The following FSTL5 variants were observed in gnomAD, a reference collection of about 807,000 sequenced individuals.
The protein encoded by FSTL5 is follistatin like 5.
Under a neutral mutation model 89.1 loss-of-function variants are expected in FSTL5, and 62 were observed. The ratio of observed to expected loss-of-function variants is 0.70; its 90% CI spans 0.57 to 0.86. FSTL5 has a LOEUF of 0.86. Among genes scored for constraint, FSTL5 ranks in the 40% least tolerant of loss-of-function variants. The probability of loss-of-function intolerance (pLI) is 0.00; values close to 1 mark genes in which losing one functional copy is unlikely to be tolerated. For missense variants in FSTL5, 1,057 were observed against 1,001.6 expected (o/e 1.06, Z -0.75); for synonymous variants, 383 against 346.2 (o/e 1.11, Z -1.18).
chr4:162,157,484 T>C (rs1054608846), intron 1 of FSTL5, among the ~76,000 whole-genome samples: 1 of 151,990 alleles, frequency 6.6e-6, no homozygotes, highest in African/African-American at 2.4e-5. Flanking sequence ...GAAGAGATGA[T>C]AATTGTAGCT....
At chr4:161,849,918 G>T (rs1420825641) in intron 4 of FSTL5, among the ~76,000 whole-genome samples, 1 of 151,950 alleles carries the variant, frequency 6.6e-6, no homozygotes, top group African/African-American at 2.4e-5. Context: ...GGCAAAATCA[G>T]GTCTTCTAGG....
intron 7 of FSTL5, among the ~76,000 whole-genome samples, chr4:161,623,510 A>C (rs1308957427): frequency 2.0e-5 from 3 of 151,950 alleles, no homozygotes; most frequent in Non-Finnish European, 4.4e-5. Flanking sequence ...TTGGTTAAAT[A>C]ATTTTCCTGT....
At chr4:161,638,281 A>C (rs1735806244) in intron 7 of FSTL5, among the ~76,000 whole-genome samples, 1 of 151,602 alleles carries the variant, frequency 6.6e-6, no homozygotes. Flanking sequence ...TTGTTGGTGT[A>C]TAAGAATGCT....
chr4:161,594,840 A>G (rs566610809), intron 7 of FSTL5, among the ~76,000 whole-genome samples: 1 of 152,092 alleles, frequency 6.6e-6, no homozygotes, highest in East Asian at 1.9e-4. Context: ...TTTATTGAGC[A>G]TGTAAATATG....
At chr4:161,988,315 G>A (rs1736022384) in intron 3 of FSTL5, among the ~76,000 whole-genome samples, 1 of 151,950 alleles carries the variant, frequency 6.6e-6, no homozygotes, top group African/African-American at 2.4e-5. Flanking sequence ...TTGTATGTAA[G>A]GTAACAGAAT....
intron 10 of FSTL5, among the ~76,000 whole-genome samples, chr4:161,516,335 T>A (rs1730828483): frequency 6.7e-6 from 1 of 148,884 alleles, no homozygotes; most frequent in Non-Finnish European, 1.5e-5. Flanking sequence ...AACAGCTACA[T>A]ATAATAAATT....
intron 7 of FSTL5, among the ~76,000 whole-genome samples, chr4:161,648,114 C>A (rs1267112425): frequency 1.3e-5 from 2 of 152,154 alleles, no homozygotes; most frequent in East Asian, 3.9e-4. Flanking sequence ...ATTCTCCAAG[C>A]CCATGTGTGA....
At chr4:162,152,465 G>A (rs1407032784) in intron 1 of FSTL5, among the ~76,000 whole-genome samples, 2 of 152,064 alleles carry the variant, frequency 1.3e-5, no homozygotes, top group African/African-American at 4.8e-5. Context: ...ATTTTCTAAA[G>A]GTATAGATGT....
chr4:161,569,029 T>C (rs1208444736), intron 8 of FSTL5, among the ~76,000 whole-genome samples: 2 of 152,310 alleles, frequency 1.3e-5, no homozygotes, highest in South Asian at 2.1e-4. Flanking sequence ...CTTTCTACAA[T>C]GTGTCTTCAC....
At chr4:161,590,280 C>G (rs533774657) in intron 7 of FSTL5, among the ~76,000 whole-genome samples, 1 of 152,218 alleles carries the variant, frequency 6.6e-6, no homozygotes, top group South Asian at 2.1e-4. Flanking sequence ...TAGCTCACAC[C>G]TGTAATCCCA....
At chr4:161,509,247 G>A (rs1321204310) in intron 11 of FSTL5, among the ~76,000 whole-genome samples, 2 of 152,182 alleles carry the variant, frequency 1.3e-5, no homozygotes, top group Non-Finnish European at 2.9e-5. Flanking sequence ...AGGTTGCAGT[G>A]CGCCGAGATC....
At chr4:161,980,406 A>G (rs1735792924) in intron 3 of FSTL5, among the ~76,000 whole-genome samples, 1 of 152,116 alleles carries the variant, frequency 6.6e-6, no homozygotes, top group Non-Finnish European at 1.5e-5. Context: ...CAAAGAACAA[A>G]TGACAAGTTC....
chr4:161,901,704 T>C (rs10020864), intron 4 of FSTL5, among the ~76,000 whole-genome samples: 125,667 of 152,034 alleles, frequency 0.83, 52,572 homozygotes, highest in Non-Finnish European at 0.89. Flanking sequence ...GAAGCCGAGG[T>C]GGGGCGGATT....
chr4:161,737,289 A>G (rs1029833245), intron 6 of FSTL5, among the ~76,000 whole-genome samples: 40 of 152,178 alleles, frequency 2.6e-4, no homozygotes, highest in African/African-American at 8.9e-4. Flanking sequence ...AGGAAAGGGA[A>G]ATAAAACCTG....
chr4:161,808,887 G>A (rs1366196097), intron 4 of FSTL5, among the ~76,000 whole-genome samples: 2 of 152,110 alleles, frequency 1.3e-5, no homozygotes, highest in South Asian at 2.1e-4. Flanking sequence ...TGGCCAGCAA[G>A]CTTACAAAAA....
At chr4:162,089,459 A>C (rs145072931) in intron 2 of FSTL5, among the ~76,000 whole-genome samples, 1 of 151,894 alleles carries the variant, frequency 6.6e-6, no homozygotes, top group African/African-American at 2.4e-5. Flanking sequence ...ACATGGTGAA[A>C]TCCCATCTCT....
At chr4:161,866,378 T>C (rs1328161500) in intron 4 of FSTL5, among the ~76,000 whole-genome samples, 3 of 152,024 alleles carry the variant, frequency 2.0e-5, no homozygotes, top group Non-Finnish European at 4.4e-5. Context: ...CTTGTATGCC[T>C]GCTGAGACAT....
intron 1 of FSTL5, among the ~76,000 whole-genome samples, chr4:162,158,944 T>C (rs1579072698): frequency 6.6e-6 from 1 of 152,110 alleles, no homozygotes; most frequent in Non-Finnish European, 1.5e-5. Flanking sequence ...AACTCACTGC[T>C]TCTTTTTCTT....
intron 4 of FSTL5, among the ~76,000 whole-genome samples, chr4:161,839,511 TA>T (rs1731146689): frequency 6.6e-6 from 1 of 151,958 alleles, no homozygotes; most frequent in Non-Finnish European, 1.5e-5. Context: ...TAAAAGGGAG[TA>T]AAACCTACGG....
Sources: gnomAD v4.1 joint callset for allele counts (sites outside exome capture counted in the v4.1 genomes callset) on GRCh38, gnomAD v4.1.1 for gene constraint, MANE v1.5 for transcripts, NCBI Gene and HGNC (gene_info 2026-07-23, HGNC 2026-07-21) for gene names.